IMMP2L: variants seen among roughly 807,000 people sequenced by gnomAD.
The protein encoded by IMMP2L is inner mitochondrial membrane peptidase subunit 2.
IMMP2L carries 18 observed loss-of-function variants against 19.3 expected under a neutral mutation model. That is an observed-to-expected ratio of 0.93 (90% CI 0.64 to 1.38). IMMP2L has a LOEUF of 1.38. Among genes scored for constraint, IMMP2L ranks in the 40% most tolerant of loss-of-function variants. The pLI is 0.00. For synonymous variants in IMMP2L, 76 were observed against 73.0 expected, an observed-to-expected ratio of 1.04 and a Z score of -0.21; for missense variants, 233 against 218.2, an observed-to-expected ratio of 1.07 and a Z score of -0.43.
chr7:111,461,941 ATTGT>A (rs1006186485), intron 3 of IMMP2L, among the ~76,000 whole-genome samples: 13 of 152,146 alleles, frequency 8.5e-5, no homozygotes, highest in African/African-American at 2.4e-4. Flanking sequence ...AGGCTATAAG[ATTGT>A]TTGTATGAAC....
intron 5 of IMMP2L, among the ~76,000 whole-genome samples, chr7:110,813,829 A>C (rs1387653662): frequency 1.3e-5 from 2 of 151,858 alleles, no homozygotes; most frequent in African/African-American, 4.8e-5. Flanking sequence ...TCCATCACCC[A>C]ATTTGTAAAG....
intron 3 of IMMP2L, among the ~76,000 whole-genome samples, chr7:111,263,419 A>C (rs953422566): frequency 2.0e-5 from 3 of 152,168 alleles, no homozygotes; most frequent in Non-Finnish European, 2.9e-5. Flanking sequence ...AGCATGTGCA[A>C]GGATAAAACA....
At chr7:111,409,572 A>T (rs1018719032) in intron 3 of IMMP2L, among the ~76,000 whole-genome samples, 2 of 151,782 alleles carry the variant, frequency 1.3e-5, no homozygotes, top group Non-Finnish European at 2.9e-5. Context: ...AGTTTTTTTT[A>T]AGACATCAGT....
At chr7:110,734,211 CTTCT>C (rs1167991101) in intron 5 of IMMP2L, among the ~76,000 whole-genome samples, 1 of 152,186 alleles carries the variant, frequency 6.6e-6, no homozygotes, top group Admixed American at 6.5e-5. Context: ...GAGTGTTGAT[CTTCT>C]TAGAGATTAT....
chr7:110,767,774 G>A (rs1798762752), intron 5 of IMMP2L, among the ~76,000 whole-genome samples: 1 of 152,144 alleles, frequency 6.6e-6, no homozygotes, highest in South Asian at 2.1e-4. Flanking sequence ...CTAAATCTAT[G>A]CTTCATGCTA....
chr7:111,019,433 T>C (rs12671593), intron 3 of IMMP2L, among the ~76,000 whole-genome samples: 97,890 of 151,848 alleles, frequency 0.64, 32,043 homozygotes, highest in Middle Eastern at 0.72. Flanking sequence ...ACTGCAGTGG[T>C]TGAGAGTCAC....
At chr7:111,228,845 TA>T (rs549372511) in intron 3 of IMMP2L, among the ~76,000 whole-genome samples, 22 of 151,540 alleles carry the variant, frequency 1.5e-4, no homozygotes, top group South Asian at 4.2e-4. Flanking sequence ...TACAATGTTA[TA>T]AAAAAAAATT....
intron 1 of IMMP2L, among the ~76,000 whole-genome samples, chr7:111,542,143 T>C (rs1848554325): frequency 6.6e-6 from 1 of 152,128 alleles, no homozygotes. Flanking sequence ...AGTAAGGTTT[T>C]GTTTCATTTT....
intron 3 of IMMP2L, among the ~76,000 whole-genome samples, chr7:111,275,026 A>G (rs564391906): frequency 7.6e-4 from 115 of 152,286 alleles, no homozygotes; most frequent in South Asian, 4.4e-3. Context: ...TTACATTGAC[A>G]TTCTAATCTC....
At chr7:111,487,414 C>T (rs550450038) in intron 2 of IMMP2L, 73 bp from the exon 3 acceptor site, 13 of 831,926 alleles carry the variant, frequency 1.6e-5, no homozygotes, top group Admixed American at 3.7e-5. Flanking sequence ...CACTTCACAG[C>T]TCGAGTGGAC....
intron 3 of IMMP2L, among the ~76,000 whole-genome samples, chr7:111,287,890 A>C (rs1820672668): frequency 6.6e-6 from 1 of 152,188 alleles, no homozygotes; most frequent in Non-Finnish European, 1.5e-5. Context: ...GAGTCTATAA[A>C]GTTTGCAGCA....
At chr7:111,500,486 C>G (rs1450389651) in intron 2 of IMMP2L, among the ~76,000 whole-genome samples, 3 of 152,190 alleles carry the variant, frequency 2.0e-5, no homozygotes, top group Non-Finnish European at 4.4e-5. Flanking sequence ...AGCTGGAGAT[C>G]TGAGAAAGGG....
chr7:110,888,501 G>A (rs542085455), intron 4 of IMMP2L, among the ~76,000 whole-genome samples: 5 of 152,136 alleles, frequency 3.3e-5, no homozygotes, highest in Admixed American at 3.3e-4. Context: ...GAATTACAAA[G>A]GAAAACCAGC....
intron 5 of IMMP2L, among the ~76,000 whole-genome samples, chr7:110,671,145 G>A (rs1031848344): frequency 2.6e-5 from 4 of 152,188 alleles, no homozygotes; most frequent in African/African-American, 9.7e-5. Flanking sequence ...TAGAACTCTT[G>A]TAATAACTTG....
chr7:111,314,868 CTT>C (rs1366994541), intron 3 of IMMP2L, among the ~76,000 whole-genome samples: 1 of 152,064 alleles, frequency 6.6e-6, no homozygotes, highest in Non-Finnish European at 1.5e-5. Flanking sequence ...AAAAATGTAA[CTT>C]AAATTAAGCT....
intron 3 of IMMP2L, among the ~76,000 whole-genome samples, chr7:111,065,121 G>A (rs553482030): frequency 3.3e-5 from 5 of 152,302 alleles, no homozygotes; most frequent in African/African-American, 1.2e-4. Flanking sequence ...AATGAGGACT[G>A]TAATTATCAT....
At chr7:110,945,463 A>C (rs1413088445) in intron 4 of IMMP2L, among the ~76,000 whole-genome samples, 2 of 151,716 alleles carry the variant, frequency 1.3e-5, no homozygotes, top group Non-Finnish European at 2.9e-5. Flanking sequence ...TTTTTGGGAG[A>C]CCTCAAAGGC....
At chr7:111,140,453 G>C (rs1006000433) in intron 3 of IMMP2L, among the ~76,000 whole-genome samples, 2 of 152,064 alleles carry the variant, frequency 1.3e-5, no homozygotes, top group African/African-American at 4.8e-5. Flanking sequence ...CAATCTACAG[G>C]GTTCTGAAAC....
At chr7:111,148,981 T>G (rs758681015) in intron 3 of IMMP2L, among the ~76,000 whole-genome samples, 2 of 152,084 alleles carry the variant, frequency 1.3e-5, no homozygotes, top group Non-Finnish European at 2.9e-5. Flanking sequence ...AGATCACAGA[T>G]AGAGTAAATA....
Sources: allele counts gnomAD v4.1 joint callset (sites outside exome capture counted in the v4.1 genomes callset), GRCh38; gene constraint gnomAD v4.1.1; transcripts MANE v1.5; gene names NCBI Gene and HGNC (gene_info 2026-07-23, HGNC 2026-07-21).